ELAVL4: variants seen among roughly 807,000 people sequenced by gnomAD.
The protein encoded by ELAVL4 is ELAV like RNA binding protein 4, also known as ELAV-like protein 4.
Under a neutral mutation model 35.6 loss-of-function variants are expected in ELAVL4, and 1 was observed. The ratio of observed to expected loss-of-function variants is 0.03; its 90% CI spans 0.01 to 0.13. The LOEUF is 0.13. Ranked by LOEUF, ELAVL4 falls within the 10% of genes least tolerant of loss-of-function variation. The probability of loss-of-function intolerance (pLI) is 1.00; values close to 1 mark genes in which losing one functional copy is unlikely to be tolerated. For missense variants in ELAVL4, 267 were observed against 464.9 expected, an observed-to-expected ratio of 0.57 and a Z score of 3.91; for synonymous variants, 156 against 171.0, an observed-to-expected ratio of 0.91 and a Z score of 0.69.
At chr1:50,104,724 A>C (rs535450386), upstream of ELAVL4, among the ~76,000 whole-genome samples, 18 of 152,358 alleles carry the variant, frequency 1.2e-4, 1 homozygote, top group South Asian at 4.1e-4. Flanking sequence ...TGCATGCTTT[A>C]TAAGTAATAA....
intron 1 of ELAVL4, among the ~76,000 whole-genome samples, chr1:50,096,958 G>A (rs1665742236): frequency 6.6e-6 from 1 of 152,230 alleles, no homozygotes; most frequent in South Asian, 2.1e-4. Context: ...GTGCATGCCT[G>A]TAATCCCAGC....
intron 1 of ELAVL4, among the ~76,000 whole-genome samples, chr1:50,096,326 AAAG>A (rs1311519005): frequency 1.3e-5 from 2 of 150,776 alleles, no homozygotes; most frequent in Non-Finnish European, 2.9e-5. Context: ...CTCAGATAAC[AAAG>A]AAGATCATTT....
At chr1:50,072,136 C>T (rs1030884673) in intron 1 of ELAVL4, among the ~76,000 whole-genome samples, 3 of 152,078 alleles carry the variant, frequency 2.0e-5, no homozygotes, top group African/African-American at 7.2e-5. Context: ...TGGGAGGGCC[C>T]ATGAGTGCAG....
intron 1 of ELAVL4, 44 bp downstream of exon 1, chr1:50,109,242 G>T: frequency 6.3e-7 from 1 of 1,599,706 alleles, no homozygotes; most frequent in South Asian, 1.1e-5. Context: ...TGTTGCTGGA[G>T]GGAAGAAAAG....
intron 1 of ELAVL4, among the ~76,000 whole-genome samples, chr1:50,123,188 C>T (rs1669316713): frequency 6.6e-6 from 1 of 152,028 alleles, no homozygotes; most frequent in Admixed American, 6.6e-5. Context: ...CTCAAATATT[C>T]ATCTGTTTAT....
rs896098638 is a variant in ELAVL4 at position 50,149,135 on chromosome 1, C to T, written c.250+3938C>T. Among the ~76,000 whole-genome samples the T allele has an allele frequency of 1.2e-4, 19 of 152,174 alleles. No individual in the cohort carries two copies. The South Asian group carries it at 1.9e-3, about 15-fold the overall frequency. ...AAATTAGGCCAGGCGCAGTGACTCA[C>T]GCTTGGAATCCCAGCACTTTGGGTG... On this transcript the variant is annotated intron_variant, in intron 2 of 6. Coordinates refer to ENST00000371824, the MANE Select transcript of ELAVL4 (RefSeq NM_001144774.3).
intron 6 of ELAVL4, among the ~76,000 whole-genome samples, chr1:50,199,515 G>C (rs960679065): frequency 6.6e-6 from 1 of 152,226 alleles, no homozygotes; most frequent in Admixed American, 6.5e-5. Context: ...AGACCAGCCT[G>C]GCCAACATGG....
chr1:50,162,343 T>C (rs958929434), intron 2 of ELAVL4, among the ~76,000 whole-genome samples: 2 of 152,196 alleles, frequency 1.3e-5, no homozygotes, highest in Non-Finnish European at 2.9e-5. Context: ...ATGTGGGTCA[T>C]AATAAGACTC....
chr1:50,190,885 G>T (rs569609725), intron 3 of ELAVL4, among the ~76,000 whole-genome samples: 55 of 152,244 alleles, frequency 3.6e-4, no homozygotes, highest in African/African-American at 1.2e-3. Flanking sequence ...ATTTGTCCTC[G>T]TGACAGAGGA....
At chr1:50,158,082 G>C (rs922175585) in intron 2 of ELAVL4, among the ~76,000 whole-genome samples, 4 of 152,026 alleles carry the variant, frequency 2.6e-5, no homozygotes, top group African/African-American at 9.7e-5. Context: ...ACTTCTCTGG[G>C]CCTCAGGTTT....
intron 1 of ELAVL4, 41 bp from the exon 2 acceptor site, chr1:50,144,916 G>A: frequency 6.3e-7 from 1 of 1,591,038 alleles, no homozygotes; most frequent in Non-Finnish European, 8.5e-7. Flanking sequence ...TTGTGTCTGA[G>A]ATTTCAAAAG....
Position 50,108,959 on chromosome 1 carries a change from T to C in ELAVL4, c.-231T>C, listed in dbSNP as rs1275752441. On this transcript the variant is annotated 5_prime_UTR_variant, in exon 1 of 7. Coordinates refer to ENST00000371824, the MANE Select transcript of ELAVL4 (RefSeq NM_001144774.3). Reference sequence around the variant, plus strand: ...AAGGCTCTGTTCAGTTGTTCTTATCTACATCCTAGAATCGGGGGTTTCAGC... The same window carrying C: ...AAGGCTCTGTTCAGTTGTTCTTATCCACATCCTAGAATCGGGGGTTTCAGC... 19 of 1,234,934 alleles carry C rather than the reference T, an allele frequency of 1.5e-5. No homozygotes were observed. Among genetic ancestry groups the C allele is most frequent in the Non-Finnish European group, 1.8e-5 (18 of 988,350 alleles). The allele number at this position is 1,234,934 out of a possible 1,614,324, so 76.5% of individuals were successfully genotyped here.
intron 1 of ELAVL4, among the ~76,000 whole-genome samples, chr1:50,069,062 G>A (rs1664394509): frequency 6.6e-6 from 1 of 152,174 alleles, no homozygotes; most frequent in Non-Finnish European, 1.5e-5. Flanking sequence ...CTAAGTCCAT[G>A]CTCTTTCTAC....
chr1:50,093,935 T>C (rs553356734), intron 1 of ELAVL4, among the ~76,000 whole-genome samples: 5 of 152,240 alleles, frequency 3.3e-5, no homozygotes, highest in Non-Finnish European at 7.3e-5. Context: ...TTTCCTTATA[T>C]GTCAATGCAG....
intron 1 of ELAVL4, among the ~76,000 whole-genome samples, chr1:50,117,689 G>C (rs1668197517): frequency 6.6e-6 from 1 of 152,130 alleles, no homozygotes; most frequent in South Asian, 2.1e-4. Flanking sequence ...GGTGCTTTGA[G>C]GGTGTTAAGT....
At chr1:50,063,239 T>C (rs1664090121) in intron 1 of ELAVL4, among the ~76,000 whole-genome samples, 2 of 152,186 alleles carry the variant, frequency 1.3e-5, no homozygotes, top group African/African-American at 4.8e-5. Flanking sequence ...ATTAATAGAT[T>C]CTTGGTAATT....
intron 2 of ELAVL4, among the ~76,000 whole-genome samples, chr1:50,165,674 G>A (rs1677702633): frequency 6.8e-6 from 1 of 146,742 alleles, no homozygotes; most frequent in South Asian, 2.1e-4. Context: ...ATGTATATGT[G>A]TGCATATACA....
At chr1:50,127,704 A>G (rs985594977) in intron 1 of ELAVL4, among the ~76,000 whole-genome samples, 1 of 152,166 alleles carries the variant, frequency 6.6e-6, no homozygotes, top group Non-Finnish European at 1.5e-5. Context: ...ACATTATCCT[A>G]TTGATATGCC....
At chr1:50,140,486 G>A (rs1290960388) in intron 1 of ELAVL4, among the ~76,000 whole-genome samples, 3 of 152,104 alleles carry the variant, frequency 2.0e-5, no homozygotes, top group African/African-American at 4.8e-5. Context: ...TTTCATATTC[G>A]TGCATTTAAT....
Sources: gnomAD v4.1 joint callset for allele counts (sites outside exome capture counted in the v4.1 genomes callset) on GRCh38, gnomAD v4.1.1 for gene constraint, MANE v1.5 for transcripts, NCBI Gene and HGNC (gene_info 2026-07-23, HGNC 2026-07-21) for gene names.